MGST1: variants seen among roughly 807,000 people sequenced by gnomAD.
The protein encoded by MGST1 is glutathione S-transferase 12.
A neutral mutation model predicts 8.9 loss-of-function variants in MGST1; 5 were observed. The observed-to-expected ratio is 0.56, with a 90% CI of 0.29 to 1.19. The LOEUF (loss-of-function observed/expected upper bound fraction) is 1.19, where lower values mean the gene tolerates loss of function less well. Ranked by LOEUF, MGST1 falls within the 50% of genes most tolerant of loss-of-function variation. The probability of loss-of-function intolerance (pLI) is 0.08; values close to 1 mark genes in which losing one functional copy is unlikely to be tolerated. For synonymous variants in MGST1, 54 were observed against 67.8 expected (o/e 0.80, Z 1.00); for missense variants, 182 against 187.4 (o/e 0.97, Z 0.17).
At chr12:16,507,884 C>T (rs770194416) in intron 4 of MGST1, among the ~76,000 whole-genome samples, 20 of 152,186 alleles carry the variant, frequency 1.3e-4, no homozygotes, top group Middle Eastern at 3.4e-3. Flanking sequence ...GACACAGAGC[C>T]AAACCATATC....
chr12:16,438,008 T>G (rs1941003729), exon 2 of MGST1: 1 of 151,888 alleles, frequency 6.6e-6, no homozygotes, highest in African/African-American at 2.4e-5. Context: ...GACAGTAAAT[T>G]TTTTTAAAAA....
At chr12:16,380,120 GT>G (rs949480100), downstream of MGST1, among the ~76,000 whole-genome samples, 1 of 152,096 alleles carries the variant, frequency 6.6e-6, no homozygotes, top group Non-Finnish European at 1.5e-5. Context: ...TTTTTGAAGG[GT>G]TTTTTGTGTC....
chr12:16,542,539 T>C (rs1476306632), intron 4 of MGST1, among the ~76,000 whole-genome samples: 1 of 152,202 alleles, frequency 6.6e-6, no homozygotes, highest in Non-Finnish European at 1.5e-5. Context: ...AATTCTCAAA[T>C]CTCAGAGTCA....
chr12:16,381,921 G>C (rs1005408009), downstream of MGST1, among the ~76,000 whole-genome samples: 10 of 152,002 alleles, frequency 6.6e-5, no homozygotes, highest in African/African-American at 2.4e-4. Context: ...TCTTCCAGTT[G>C]ATCGCATCAG....
At chr12:16,556,530 C>G (rs980460559) in intron 4 of MGST1, among the ~76,000 whole-genome samples, 1 of 152,184 alleles carries the variant, frequency 6.6e-6, no homozygotes, top group Non-Finnish European at 1.5e-5. Context: ...GATGAAATGA[C>G]TGCTGAATAC....
At position 16,361,042 on chromosome 12, in the gene MGST1, C is replaced by T. The variant is rs1050532697; in HGVS notation, c.222-2753C>T. On this transcript the variant is annotated intron_variant, in intron 3 of 3. Coordinates refer to ENST00000396210, the MANE Select transcript of MGST1 (RefSeq NM_020300.5). This position sits in a 1 kb window ranked among gnomAD's most constrained non-coding sequence, Gnocchi z 4.2. ...TAGGAATGGGAGAATGATATGAAGC[C>T]ATGTTCCATTAGTTCCATGGAATAT... Among the ~76,000 whole-genome samples, 1 of 149,784 alleles carries T rather than the reference C, an allele frequency of 6.7e-6. No homozygotes were observed. Among genetic ancestry groups the T allele is most frequent in the Non-Finnish European group, 1.5e-5 (1 of 67,648 alleles).
chr12:16,581,220 T>C (rs2137537251), intron 4 of MGST1, among the ~76,000 whole-genome samples: 1 of 152,298 alleles, frequency 6.6e-6, no homozygotes, highest in East Asian at 1.9e-4. Context: ...CCTCAGTCAC[T>C]AAACACTAGA....
intron 1 of MGST1, among the ~76,000 whole-genome samples, chr12:16,391,608 T>C (rs1940553996): frequency 6.6e-6 from 1 of 152,194 alleles, no homozygotes; most frequent in African/African-American, 2.4e-5. Context: ...GTTTTTCTCT[T>C]GTAAATTTAA....
At chr12:16,525,988 GTTGT>G (rs1277843255) in intron 4 of MGST1, among the ~76,000 whole-genome samples, 1 of 149,182 alleles carries the variant, frequency 6.7e-6, no homozygotes, top group African/African-American at 2.5e-5. Flanking sequence ...TTTTGATGGG[GTTGT>G]TTGTTTTTTT....
rs7312090 is a variant in MGST1, at chr12:16,363,011, G to A, written c.222-784G>A. On this transcript the variant is annotated intron_variant, in intron 3 of 3. Transcript: ENST00000396210. This position sits in a 1 kb window ranked among gnomAD's most constrained non-coding sequence, Gnocchi z 4.6. Reference sequence around the variant, plus strand: ...TAGATGTGTTTTGTATTCGGTCTTAGCCAGAGAAACCCAAGATGCCACGGT... The same window carrying A: ...TAGATGTGTTTTGTATTCGGTCTTAACCAGAGAAACCCAAGATGCCACGGT... The A allele has an allele frequency of 0.28, 42,124 of 152,006 alleles. 6,014 individuals carry two copies. The highest frequency in any genetic ancestry group is 0.31 in the Middle Eastern group (92 of 294). 9.4% of individuals were successfully genotyped at this position (152,006 alleles called of 1,614,324 possible).
chr12:16,349,369 G>A (rs999934495), intron 1 of MGST1, among the ~76,000 whole-genome samples: 1 of 152,012 alleles, frequency 6.6e-6, no homozygotes, highest in African/African-American at 2.4e-5. Context: ...TAGTACGGGG[G>A]TTTGGGGGGA....
At chr12:16,457,619 G>T (rs79651050) in intron 4 of MGST1, among the ~76,000 whole-genome samples, 1 of 151,810 alleles carries the variant, frequency 6.6e-6, no homozygotes, top group Non-Finnish European at 1.5e-5. Flanking sequence ...TCATTGATTA[G>T]TTTCTCTCTA....
chr12:16,515,347 C>T (rs752761037), intron 4 of MGST1, among the ~76,000 whole-genome samples: 5 of 152,170 alleles, frequency 3.3e-5, no homozygotes, highest in East Asian at 1.9e-4. Flanking sequence ...CCCATCCTAT[C>T]GGGATTTATT....
At chr12:16,473,343 G>A (rs776761087) in intron 4 of MGST1, among the ~76,000 whole-genome samples, 7 of 152,128 alleles carry the variant, frequency 4.6e-5, no homozygotes, top group African/African-American at 1.2e-4. Flanking sequence ...GAATTGTCTT[G>A]CCCACATATC....
intron 4 of MGST1, among the ~76,000 whole-genome samples, chr12:16,484,823 T>C (rs192633919): frequency 6.6e-6 from 1 of 152,316 alleles, no homozygotes; most frequent in East Asian, 1.9e-4. Context: ...GGGACATAAA[T>C]CCAAACCATA....
rs1941812712 is a variant in MGST1, at chr12:16,544,656, A to G, written n.483-44872A>G. On this transcript the variant is annotated intron_variant and non_coding_transcript_variant, in intron 4 of 4. Transcript: ENST00000538857. This position sits in a 1 kb window ranked among gnomAD's most constrained non-coding sequence, Gnocchi z 4.8. The stretch of plus-strand genomic sequence containing the variant: ...CAGGAAATTTGACTACATAGGTTCA[A>G]GTCCTTATTTCTGAGGGGACAAAAA... 6.6e-6 allele frequency among the ~76,000 whole-genome samples: 1 copy of G among 152,126 alleles called. No individual in the cohort carries two copies. The highest frequency in any genetic ancestry group is 1.5e-5 in the Non-Finnish European group (1 of 67,966).
intron 4 of MGST1, among the ~76,000 whole-genome samples, chr12:16,529,841 G>A (rs147431747): frequency 6.6e-6 from 1 of 152,150 alleles, no homozygotes; most frequent in African/African-American, 2.4e-5. Context: ...AACTCAAAGT[G>A]TGAAACCATC....
intron 4 of MGST1, among the ~76,000 whole-genome samples, chr12:16,471,034 T>G (rs953687124): frequency 1.3e-5 from 2 of 152,170 alleles, no homozygotes; most frequent in African/African-American, 2.4e-5. Flanking sequence ...GGAGGAGAGA[T>G]GAGATTTATT....
chr12:16,521,147 T>C (rs1236154646), intron 4 of MGST1, among the ~76,000 whole-genome samples: 1 of 152,184 alleles, frequency 6.6e-6, no homozygotes, highest in East Asian at 1.9e-4. Flanking sequence ...AGTATGGTTC[T>C]GATCGTGTAT....
Sources: gnomAD v4.1 joint callset for allele counts (sites outside exome capture counted in the v4.1 genomes callset) on GRCh38, gnomAD v4.1.1 for gene constraint, Gnocchi (gnomAD v3.1) non-coding constraint, MANE v1.5 for transcripts, NCBI Gene and HGNC (gene_info 2026-07-23, HGNC 2026-07-21) for gene names.